Variants in NRSN1 observed in about 807,000 individuals in gnomAD.
NRSN1 encodes neurensin-1.
A neutral mutation model predicts 17.3 loss-of-function variants in NRSN1; 14 were observed. That is an observed-to-expected ratio of 0.81 (90% CI 0.54 to 1.27). The LOEUF (loss-of-function observed/expected upper bound fraction) is 1.27. Among genes scored for constraint, NRSN1 ranks in the 50% most tolerant of loss-of-function variants. NRSN1 has a pLI of 0.00. For missense variants in NRSN1, 209 were observed against 235.9 expected (o/e 0.89, Z 0.75); for synonymous variants, 79 against 94.2 (o/e 0.84, Z 0.93).
chr6:24,141,103 AG>A, intron 3 of NRSN1: 9 of 1,377,164 alleles, frequency 6.5e-6, no homozygotes, highest in Non-Finnish European at 8.5e-6. Flanking sequence ...AGCCTGGAGG[AG>A]GACCCTTCCA....
chr6:24,137,734 A>C (rs1242968122), intron 3 of NRSN1, among the ~76,000 whole-genome samples: 1 of 151,896 alleles, frequency 6.6e-6, no homozygotes, highest in Non-Finnish European at 1.5e-5. Flanking sequence ...TTCCTGGTAC[A>C]CAGATTGTTA....
At chr6:24,137,073 C>G (rs1360399600) in intron 3 of NRSN1, among the ~76,000 whole-genome samples, 6 of 152,148 alleles carry the variant, frequency 3.9e-5, no homozygotes, top group Non-Finnish European at 8.8e-5. Context: ...CAAATTGCAT[C>G]TGTAGGTGGT....
intron 3 of NRSN1, 87 bp downstream of exon 3, chr6:24,134,603 A>C (rs1760089653): frequency 6.5e-6 from 7 of 1,069,064 alleles, no homozygotes; most frequent in Non-Finnish European, 9.7e-6. Flanking sequence ...GGAGAGGTTT[A>C]GTACTCGCTG....
At chr6:24,130,614 A>G (rs1190667329) in intron 2 of NRSN1, among the ~76,000 whole-genome samples, 9 of 152,176 alleles carry the variant, frequency 5.9e-5, no homozygotes, top group African/African-American at 1.7e-4. Context: ...TTTAGGCAAC[A>G]TACGTGATAC....
chr6:24,131,863 A>C (rs971341322), intron 2 of NRSN1, among the ~76,000 whole-genome samples: 2 of 152,194 alleles, frequency 1.3e-5, no homozygotes, highest in Non-Finnish European at 2.9e-5. Context: ...TGCTCTACTC[A>C]GGCAAAGAAC....
chr6:24,134,956 C>CAAT (rs954663947), intron 3 of NRSN1, among the ~76,000 whole-genome samples: 15 of 152,074 alleles, frequency 9.9e-5, no homozygotes, highest in African/African-American at 3.4e-4. Flanking sequence ...GTCAGTATAC[C>CAAT]AGCTCCGTCT....
chr6:24,141,887 C>G (rs1320051455), intron 3 of NRSN1, among the ~76,000 whole-genome samples: 2 of 152,158 alleles, frequency 1.3e-5, no homozygotes, highest in African/African-American at 4.8e-5. Context: ...CTCACTTGCT[C>G]TTCAGAATCT....
Position 24,142,933 on chromosome 6 carries a change from T to C in NRSN1, c.190-2615T>C, listed in dbSNP as rs191417110. Among the ~76,000 whole-genome samples the C allele has an allele frequency of 2.0e-5, 3 of 152,304 alleles. No homozygotes were observed. In the East Asian group the frequency reaches 5.8e-4, roughly 29 times the overall value. On this transcript the variant is annotated intron_variant, in intron 3 of 3. Coordinates refer to ENST00000378491, the MANE Select transcript of NRSN1 (RefSeq NM_080723.5). ...GCCCCGCCCACATCCTGCTGATTGG[T>C]CCATTTTACAGAATGCTGATTGGTC...
intron 2 of NRSN1, among the ~76,000 whole-genome samples, chr6:24,131,658 AC>A (rs1760031291): frequency 6.6e-6 from 1 of 152,112 alleles, no homozygotes; most frequent in African/African-American, 2.4e-5. Context: ...ACCCCATCTC[AC>A]CTGGACTGAA....
rs1760305061 is a variant in NRSN1, at chr6:24,146,315, T to C, written c.*369T>C. 9.9e-6 allele frequency: 5 copies of C among 504,032 alleles called. No individual in the cohort carries two copies. The highest frequency in any genetic ancestry group is 2.3e-5 in the Admixed American group (1 of 43,476). 31.2% of individuals were successfully genotyped at this position (504,032 alleles called of 1,614,324 possible). On this transcript the variant is annotated 3_prime_UTR_variant, in exon 4 of 4. Transcript: ENST00000378491. Reference sequence around the variant, plus strand: ...ATGTGGTCCATTTTATTTTCTAATATTGGTTTATCTAATGTTTTCTGCGTG... The same window carrying C: ...ATGTGGTCCATTTTATTTTCTAATACTGGTTTATCTAATGTTTTCTGCGTG...
chr6:24,140,723 C>G (rs1478540313), intron 3 of NRSN1, among the ~76,000 whole-genome samples: 1 of 152,228 alleles, frequency 6.6e-6, no homozygotes, highest in Non-Finnish European at 1.5e-5. Context: ...CCTGCCTCGT[C>G]TCTGCCAGAA....
intron 1 of NRSN1, among the ~76,000 whole-genome samples, chr6:24,127,270 T>C (rs956807836): frequency 2.0e-5 from 3 of 152,062 alleles, no homozygotes; most frequent in African/African-American, 4.8e-5. Flanking sequence ...CTCACAAAAT[T>C]TGGGGGAAAG....
At chr6:24,126,836 T>C (rs994200933) in intron 1 of NRSN1, among the ~76,000 whole-genome samples, 5 of 152,218 alleles carry the variant, frequency 3.3e-5, no homozygotes, top group African/African-American at 1.2e-4. Flanking sequence ...CTTCTTTGTG[T>C]TGTTAGACAG....
chr6:24,143,396 A>C (rs1760253022), intron 3 of NRSN1, among the ~76,000 whole-genome samples: 1 of 152,246 alleles, frequency 6.6e-6, no homozygotes, highest in South Asian at 2.1e-4. Flanking sequence ...ATTAAACAAA[A>C]AACACATCTA....
chr6:24,136,766 T>C (rs964243884), intron 3 of NRSN1, among the ~76,000 whole-genome samples: 7 of 152,208 alleles, frequency 4.6e-5, no homozygotes, highest in Admixed American at 1.3e-4. Flanking sequence ...TTCTCCCTTC[T>C]ATTTTGCACA....
chr6:24,138,490 G>A (rs1303257524), intron 3 of NRSN1, among the ~76,000 whole-genome samples: 1 of 152,082 alleles, frequency 6.6e-6, no homozygotes, highest in Non-Finnish European at 1.5e-5. Flanking sequence ...CTCACCCCCA[G>A]TCATTCCCTC....
At chr6:24,144,946 A>C (rs2113718754) in intron 3 of NRSN1, among the ~76,000 whole-genome samples, 1 of 151,332 alleles carries the variant, frequency 6.6e-6, no homozygotes, top group East Asian at 1.9e-4. Context: ...AAGCAAAAGA[A>C]GGTTTTGTCA....
In NRSN1 at chr6:24,145,968, T is replaced by C. The variant is rs551547139; in HGVS notation, c.*22T>C. The stretch of plus-strand genomic sequence containing the variant: ...CTGAAACCTTTCCCACCCCAGTTCT[T>C]CTTGTCTGATTTATGCCCGTGGTTA... On this transcript the variant is annotated 3_prime_UTR_variant, in exon 4 of 4. Transcript: ENST00000378491. This position sits in a 1 kb window ranked among gnomAD's most constrained non-coding sequence, Gnocchi z 4.4. 14 of 1,584,384 alleles carry C rather than the reference T, an allele frequency of 8.8e-6. No homozygotes were observed. The Admixed American group carries it at 2.4e-4, about 27-fold the overall frequency.
At chr6:24,131,942 G>A (rs749369821) in intron 2 of NRSN1, among the ~76,000 whole-genome samples, 2 of 152,170 alleles carry the variant, frequency 1.3e-5, no homozygotes, top group Non-Finnish European at 2.9e-5. Context: ...GTGTTCGTGT[G>A]TGGGGGAGTG....
Sources: allele counts gnomAD v4.1 joint callset (sites outside exome capture counted in the v4.1 genomes callset), GRCh38; gene constraint gnomAD v4.1.1; non-coding constraint Gnocchi (gnomAD v3.1); transcripts MANE v1.5; gene names NCBI Gene and HGNC (gene_info 2026-07-23, HGNC 2026-07-21).